CLTC: variants seen among roughly 807,000 people sequenced by gnomAD.
CLTC encodes clathrin heavy chain 1.
Under a neutral mutation model 195.8 loss-of-function variants are expected in CLTC, and 16 were observed. The ratio of observed to expected loss-of-function variants is 0.08; its 90% CI spans 0.06 to 0.12. The LOEUF is 0.12. CLTC is among the 10% of genes least tolerant of loss of function. CLTC has a pLI of 1.00. For missense variants in CLTC, 796 were observed against 2,027.0 expected (o/e 0.39, Z 11.66); for synonymous variants, 667 against 689.4 (o/e 0.97, Z 0.51).
chr17:59,679,290 G>C lies in CLTC; in HGVS notation c.2797-107G>C, dbSNP rs145022332. On this transcript the variant is annotated intron_variant, in intron 17 of 31. Coordinates refer to ENST00000269122, the MANE Select transcript of CLTC (RefSeq NM_004859.4). ...AAGTCCAAAACTAGATCCAATATCA[G>C]TAAGATTATCAATAAACATAGTTTA... 139 of 893,142 alleles carry C rather than the reference G, an allele frequency of 1.6e-4. No homozygotes were observed. In the East Asian group the frequency reaches 2.7e-3, roughly 17 times the overall value. 55.3% of individuals were successfully genotyped at this position (893,142 alleles called of 1,614,324 possible). A position where few individuals can be genotyped will look rare whatever the true frequency, so the allele number is the denominator to read the frequency against.
Position 59,644,286 on chromosome 17 carries a change from T to A in CLTC, c.53T>A (p.Leu18Gln), listed in dbSNP as rs373161605. The A allele has an allele frequency of 2.5e-5, 41 of 1,613,588 alleles. No individual in the cohort carries two copies. The highest frequency in any genetic ancestry group is 6.7e-5 in the African/African-American group (5 of 74,904). The stretch of plus-strand genomic sequence containing the variant: ...TATTATTTTTTCTAGCTCCAGAACC[T>A]GGGTATCAACCCAGCAAACATTGGC... ...RFQEHLQLQNLGINPANIGFS... is the reference protein window; with the variant it reads ...RFQEHLQLQNQGINPANIGFS... The change falls in exon 2 of 32, where the codon CTG (leucine) becomes CAG (glutamine). Residue 18 changes from leucine (L) to glutamine (Q), a missense_variant. Leu to Gln is a moderately radical substitution (Grantham distance 113, BLOSUM62 -2). This residue lies in a region of CLTC where 24 missense variants were observed against 29.8 expected (regional missense o/e 0.81). Transcript: ENST00000269122.
chr17:59,693,692 CT>C (rs2033360425), intron 31 of CLTC, 35 bp from the exon 32 acceptor site: 2 of 1,593,848 alleles, frequency 1.3e-6, no homozygotes, highest in Admixed American at 1.7e-5. Context: ...CTCCTTGCCC[CT>C]GCCCCCTGCT....
At chr17:59,644,546 T>TTTTTG (rs1555603000) in intron 2 of CLTC, 63 bp downstream of exon 2, 19,111 of 880,818 alleles carry the variant, frequency 0.022, 5 homozygotes, top group Non-Finnish European at 0.024. Context: ...TTTGTTTTTT[T>TTTTTG]TTTGTTTGTT....
At chr17:59,674,667 A>G in intron 15 of CLTC, 34 bp from the exon 16 acceptor site, 3 of 1,580,058 alleles carry the variant, frequency 1.9e-6, no homozygotes, top group Non-Finnish European at 1.7e-6. Flanking sequence ...TTTTAATAAC[A>G]TAATAACATT....
At chr17:59,642,775 G>GT (rs1301743504) in intron 1 of CLTC, among the ~76,000 whole-genome samples, 4 of 152,174 alleles carry the variant, frequency 2.6e-5, no homozygotes, top group African/African-American at 9.7e-5. Context: ...TTAGAGAGTT[G>GT]TTTGACTTCT....
Position 59,685,851 on chromosome 17 carries a change from T to C in CLTC, c.4827+43T>C. 7.1e-7 allele frequency: 1 copy of C among 1,404,128 alleles called. No individual in the cohort carries two copies. Among genetic ancestry groups the C allele is most frequent in the Non-Finnish European group, 9.7e-7 (1 of 1,029,098 alleles). 87.0% of individuals were successfully genotyped at this position (1,404,128 alleles called of 1,614,324 possible). A position where few individuals can be genotyped will look rare whatever the true frequency, so the allele number is the denominator to read the frequency against. On this transcript the variant is annotated intron_variant, in intron 30 of 31. Coordinates refer to ENST00000269122, the MANE Select transcript of CLTC (RefSeq NM_004859.4). This position sits in a 1 kb window ranked among gnomAD's most constrained non-coding sequence, Gnocchi z 5.0. ...TGTATTCAGAACTAGTTTCCTTGCA[T>C]GTAAAATTCTACATGCACATTAATT...
At chr17:59,632,210 T>A (rs1264188763) in intron 1 of CLTC, among the ~76,000 whole-genome samples, 1 of 150,722 alleles carries the variant, frequency 6.6e-6, no homozygotes, top group Non-Finnish European at 1.5e-5. Context: ...CTACTAAAAA[T>A]ACAAAAAATT....
At chr17:59,636,839 TGCAGCC>T (rs771278197) in intron 1 of CLTC, among the ~76,000 whole-genome samples, 1 of 152,086 alleles carries the variant, frequency 6.6e-6, no homozygotes, top group Non-Finnish European at 1.5e-5. Flanking sequence ...CTTGGCTCAC[TGCAGCC>T]TCTGCCTCCC....
rs931417496 is a variant in CLTC, at chr17:59,682,558, A to G, written c.3601-71A>G. ...AAACAAATTCTTTCTCATTGTGAAG[A>G]TATCAATTTGAAAAGAGGATTAAGC... On this transcript the variant is annotated intron_variant, in intron 22 of 31. Coordinates refer to ENST00000269122, the MANE Select transcript of CLTC (RefSeq NM_004859.4). The surrounding 1 kb of genome is among the most constrained non-coding windows in gnomAD (Gnocchi z 6.8). 10 of 1,583,486 alleles carry G rather than the reference A, an allele frequency of 6.3e-6. 1 individual carries two copies. Among genetic ancestry groups the G allele is most frequent in the African/African-American group, 4.1e-5 (3 of 73,668 alleles).
At chr17:59,690,477 ATGAACAT>A (rs2033271691) in intron 30 of CLTC, 152 bp from the exon 31 acceptor site, 2 of 552,674 alleles carry the variant, frequency 3.6e-6, no homozygotes, top group South Asian at 4.9e-5. Context: ...GGACTGAAGT[ATGAACAT>A]TGCCATTGAA....
chr17:59,644,720 T>G (rs544038888), intron 2 of CLTC, among the ~76,000 whole-genome samples: 141 of 152,124 alleles, frequency 9.3e-4, no homozygotes, highest in African/African-American at 3.3e-3. Context: ...CCAGCTAGTT[T>G]TTTTGTATTT....
In CLTC at chr17:59,631,148, G is replaced by C. The variant is rs150478726; in HGVS notation, c.42+10975G>C. ...ATGGTATTTTTAATTCTGTGTGTCT[G>C]CTCCCAAACTCTGTAGCCCTGCCCT... On this transcript the variant is annotated intron_variant, in intron 1 of 31. Coordinates refer to ENST00000269122, the MANE Select transcript of CLTC (RefSeq NM_004859.4). Among the ~76,000 whole-genome samples, 7 of 152,266 alleles carry C rather than the reference G, an allele frequency of 4.6e-5. No homozygotes were observed. The East Asian group carries it at 1.4e-3, about 29-fold the overall frequency.
chr17:59,644,534 TTTTTG>T (rs753223200), intron 2 of CLTC, 51 bp downstream of exon 2: 3 of 1,352,420 alleles, frequency 2.2e-6, no homozygotes, highest in East Asian at 2.5e-5. Flanking sequence ...TTTTTGTTTT[TTTTTG>T]TTTTTTTTTT....
At chr17:59,647,709 A>G (rs968468568) in intron 3 of CLTC, 43 bp downstream of exon 3, 3 of 1,535,098 alleles carry the variant, frequency 2.0e-6, no homozygotes, top group Non-Finnish European at 2.7e-6. Flanking sequence ...GGTTTAGAAC[A>G]CGGTTGTGCC....
At chr17:59,623,345 C>T (rs1279779792) in intron 1 of CLTC, among the ~76,000 whole-genome samples, 3 of 152,122 alleles carry the variant, frequency 2.0e-5, no homozygotes, top group Admixed American at 6.5e-5. Context: ...TGGAATTATG[C>T]GGCAGTCTCC....
chr17:59,660,447 A>G lies in CLTC; in HGVS notation c.1026A>G (p.Leu342=). 2.5e-6 allele frequency: 4 copies of G among 1,614,164 alleles called. No homozygotes were observed. Among genetic ancestry groups the G allele is most frequent in the Non-Finnish European group, 3.4e-6 (4 of 1,180,012 alleles). The stretch of plus-strand genomic sequence containing the variant: ...TAATTCCTTACATCACCAATGTTCT[A>G]CAAAATCCTGATTTGGCTCTGAGAA... ...ENIIPYITNV[L]QNPDLALRMA... The change falls in exon 7 of 32, where the codon CTA becomes CTG. Residue 342 remains leucine (L), a synonymous_variant. Transcript: ENST00000269122.
At chr17:59,679,574 A>G (rs963031197) in intron 18 of CLTC, 55 bp downstream of exon 18, 56 of 1,494,676 alleles carry the variant, frequency 3.7e-5, no homozygotes, top group Non-Finnish European at 5.0e-5. Flanking sequence ...ATTTTTAACT[A>G]TGAATACAAT....
At chr17:59,686,289 G>A (rs2033182162) in intron 30 of CLTC, among the ~76,000 whole-genome samples, 1 of 151,290 alleles carries the variant, frequency 6.6e-6, no homozygotes, top group Non-Finnish European at 1.5e-5. Context: ...ACCATAGGAG[G>A]TGAACATGGG....
At chr17:59,686,327 T>G (rs1567973420) in intron 30 of CLTC, among the ~76,000 whole-genome samples, 1 of 148,068 alleles carries the variant, frequency 6.8e-6, no homozygotes, top group African/African-American at 2.4e-5. Flanking sequence ...GGGGTCTAAT[T>G]GCCTTATAAC....
Sources: allele counts gnomAD v4.1 joint callset (sites outside exome capture counted in the v4.1 genomes callset), GRCh38; gene constraint gnomAD v4.1.1; regional missense constraint gnomAD v4.1.1; non-coding constraint Gnocchi (gnomAD v3.1); transcripts MANE v1.5; gene names NCBI Gene and HGNC (gene_info 2026-07-23, HGNC 2026-07-21).